SGPL1: variants seen among roughly 807,000 people sequenced by gnomAD.
SGPL1 encodes SP-lyase 1.
A neutral mutation model predicts 68.9 loss-of-function variants in SGPL1; 37 were observed. That is an observed-to-expected ratio of 0.54 (90% CI 0.41 to 0.71). The LOEUF (loss-of-function observed/expected upper bound fraction) is 0.71. Ranked by LOEUF, SGPL1 falls within the 30% of genes least tolerant of loss-of-function variation. The pLI is 0.00. For missense variants in SGPL1, 551 were observed against 704.6 expected (o/e 0.78, Z 2.47); for synonymous variants, 236 against 248.5 (o/e 0.95, Z 0.47).
At chr10:70,856,774 G>A (rs770541843) in intron 5 of SGPL1, among the ~76,000 whole-genome samples, 5 of 152,164 alleles carry the variant, frequency 3.3e-5, no homozygotes, top group African/African-American at 1.2e-4. Flanking sequence ...GTGTGTTTCC[G>A]TAATAGCTTT....
At chr10:70,827,937 T>C (rs1845464284) in intron 2 of SGPL1, among the ~76,000 whole-genome samples, 1 of 152,212 alleles carries the variant, frequency 6.6e-6, no homozygotes, top group Non-Finnish European at 1.5e-5. Flanking sequence ...ATTGTGTTTG[T>C]GAGATTCAGT....
chr10:70,818,721 G>A (rs1414832573), intron 2 of SGPL1, among the ~76,000 whole-genome samples: 1 of 152,104 alleles, frequency 6.6e-6, no homozygotes, highest in Non-Finnish European at 1.5e-5. Context: ...TGAATACTTA[G>A]GTTATCCGCA....
At chr10:70,831,801 C>G (rs773262998) in intron 2 of SGPL1, among the ~76,000 whole-genome samples, 1 of 152,208 alleles carries the variant, frequency 6.6e-6, no homozygotes, top group African/African-American at 2.4e-5. Flanking sequence ...ATAGACTGAC[C>G]GGAAACCCAG....
chr10:70,854,610 G>A (rs1589463337), intron 4 of SGPL1, 98 bp from the exon 5 acceptor site: 7 of 953,240 alleles, frequency 7.3e-6, no homozygotes, highest in East Asian at 5.0e-5. Context: ...TTACTTGTGC[G>A]GTGCCTAGCA....
chr10:70,838,093 G>C (rs777351399), intron 2 of SGPL1, among the ~76,000 whole-genome samples: 68 of 152,186 alleles, frequency 4.5e-4, no homozygotes, highest in Non-Finnish European at 7.5e-4. Context: ...GAGTTTTAGG[G>C]GGGACATTCA....
intron 2 of SGPL1, among the ~76,000 whole-genome samples, chr10:70,822,070 A>C (rs1845348645): frequency 6.6e-6 from 1 of 152,222 alleles, no homozygotes; most frequent in South Asian, 2.1e-4. Context: ...ACTCTTTTTC[A>C]GGGATGCTTT....
At chr10:70,841,584 A>G (rs1845713013) in intron 2 of SGPL1, among the ~76,000 whole-genome samples, 1 of 152,106 alleles carries the variant, frequency 6.6e-6, no homozygotes, top group East Asian at 1.9e-4. Context: ...AATCTTATTC[A>G]CGAGGCCTCT....
chr10:70,861,718 G>C (rs1250222055), intron 7 of SGPL1, among the ~76,000 whole-genome samples: 1 of 152,222 alleles, frequency 6.6e-6, no homozygotes, highest in Non-Finnish European at 1.5e-5. Flanking sequence ...GCATGGGCTT[G>C]GCGGGCCCCG....
chr10:70,846,789 A>C (rs1845799072), intron 3 of SGPL1, among the ~76,000 whole-genome samples: 1 of 152,222 alleles, frequency 6.6e-6, no homozygotes, highest in South Asian at 2.1e-4. Flanking sequence ...TTGGCAAATA[A>C]ACATTGTTTA....
At chr10:70,834,852 A>G (rs948599499) in intron 2 of SGPL1, among the ~76,000 whole-genome samples, 4 of 152,206 alleles carry the variant, frequency 2.6e-5, no homozygotes, top group Non-Finnish European at 5.9e-5. Flanking sequence ...ATTTTAAACC[A>G]GAAGATTTGA....
At chr10:70,855,635 TA>T (rs1219065454) in intron 5 of SGPL1, among the ~76,000 whole-genome samples, 5 of 152,264 alleles carry the variant, frequency 3.3e-5, no homozygotes, top group African/African-American at 1.2e-4. Context: ...AAGGATTCAG[TA>T]AATGTTAAAC....
At position 70,868,363 on chromosome 10, in the gene SGPL1, G is replaced by C; in HGVS notation, c.634G>C (p.Glu212Gln). Residue 212 changes from glutamate to glutamine, a missense_variant, in exon 8 of 15, where the codon GAA (glutamate) becomes CAA (glutamine). Glu to Gln is a conservative substitution (Grantham distance 29). Transcript: ENST00000373202. ...SCGCVTSGGT[E>Q]SILMACKAYR... ...ATTATAGGTGACTTCTGGGGGAACAGAAAGCATACTGATGGCCTGCAAAGC... is the reference window on the plus strand; with the variant it reads ...ATTATAGGTGACTTCTGGGGGAACACAAAGCATACTGATGGCCTGCAAAGC... 1 of 1,612,874 alleles carries C rather than the reference G, an allele frequency of 6.2e-7. No homozygotes were observed. Among genetic ancestry groups the C allele is most frequent in the Non-Finnish European group, 8.5e-7 (1 of 1,179,386 alleles).
In SGPL1 at chr10:70,861,828, G is replaced by A. The variant is rs573761771; in HGVS notation, c.615+2329G>A. On this transcript the variant is annotated intron_variant, in intron 7 of 14. Transcript: ENST00000373202. ...GGGTTCTAGGTCCCCCAGTAGTGCCGGCCTACCGGCACTGCGCTCGATTTC... is the reference window on the plus strand; with the variant it reads ...GGGTTCTAGGTCCCCCAGTAGTGCCAGCCTACCGGCACTGCGCTCGATTTC... Among the ~76,000 whole-genome samples, 435 of 152,324 alleles carry A rather than the reference G, an allele frequency of 2.9e-3. 1 individual carries two copies. The highest frequency in any genetic ancestry group is 4.8e-3 in the Non-Finnish European group (327 of 68,010).
chr10:70,849,606 C>G (rs1406023133), intron 3 of SGPL1, among the ~76,000 whole-genome samples: 1 of 152,140 alleles, frequency 6.6e-6, no homozygotes, highest in Non-Finnish European at 1.5e-5. Context: ...AGGGATGCAG[C>G]TGAAGCAAAA....
chr10:70,839,782 T>C (rs1469358444), intron 2 of SGPL1, among the ~76,000 whole-genome samples: 1 of 152,132 alleles, frequency 6.6e-6, no homozygotes, highest in Non-Finnish European at 1.5e-5. Flanking sequence ...CATGAACTTC[T>C]GTGCCATCTC....
chr10:70,842,567 A>G (rs1845732091), intron 2 of SGPL1, among the ~76,000 whole-genome samples: 1 of 152,136 alleles, frequency 6.6e-6, no homozygotes, highest in Non-Finnish European at 1.5e-5. Flanking sequence ...GGAAGGCAAA[A>G]CTTGAGCAGG....
intron 5 of SGPL1, among the ~76,000 whole-genome samples, chr10:70,856,907 A>G (rs1821751713): frequency 6.6e-6 from 1 of 152,188 alleles, no homozygotes; most frequent in African/African-American, 2.4e-5. Context: ...GGAAAGTCAG[A>G]TCTTATATTC....
intron 12 of SGPL1, 106 bp downstream of exon 12, chr10:70,873,695 C>T (rs1589477133): frequency 2.4e-6 from 2 of 843,328 alleles, no homozygotes; most frequent in East Asian, 2.4e-5. Context: ...CACCTGTTGT[C>T]TCCTGCGATA....
rs920814066 is a variant in SGPL1 at position 70,878,219 on chromosome 10, G to C, written c.*884G>C. The C allele has an allele frequency of 1.3e-5, 2 of 152,272 alleles. No homozygotes were observed. Among genetic ancestry groups the C allele is most frequent in the African/African-American group, 4.8e-5 (2 of 41,440 alleles). The allele number at this position is 152,272 out of a possible 1,614,324, so 9.4% of individuals were successfully genotyped here. ...CAGGGCACAGATCGACCAAGCTGCC[G>C]TTCCCTATTCTGCAGGACAGGACTA... On this transcript the variant is annotated 3_prime_UTR_variant, in exon 15 of 15. Coordinates refer to ENST00000373202, the MANE Select transcript of SGPL1 (RefSeq NM_003901.4).
Sources: allele counts gnomAD v4.1 joint callset (sites outside exome capture counted in the v4.1 genomes callset), GRCh38; gene constraint gnomAD v4.1.1; transcripts MANE v1.5; gene names NCBI Gene and HGNC (gene_info 2026-07-23, HGNC 2026-07-21).